The following NALF1 variants were observed in gnomAD, a reference collection of about 807,000 sequenced individuals.
NALF1 encodes the protein NALCN channel auxiliary factor 1.
A neutral mutation model predicts 48.4 loss-of-function variants in NALF1; 3 were observed. The ratio of observed to expected loss-of-function variants is 0.06; its 90% CI spans 0.03 to 0.16. The LOEUF is 0.16. Among genes scored for constraint, NALF1 ranks in the 10% least tolerant of loss-of-function variants. NALF1 has a pLI of 1.00. For synonymous variants in NALF1, 262 were observed against 245.7 expected (o/e 1.07, Z -0.62); for missense variants, 526 against 571.5 (o/e 0.92, Z 0.81).
In NALF1 at chr13:107,866,748, CCT is replaced by C. The variant is rs1367942939; in HGVS notation, c.-154_-153del. ...CTCTCTTTCTCTCTCTTCCCCTCTC[CCT>C]CTCTCCTCTCTCTCTCTCTCCCTCT... On this transcript the variant is annotated 5_prime_UTR_variant, in exon 1 of 3. Transcript: ENST00000375915. This position sits in a 1 kb window ranked among gnomAD's most constrained non-coding sequence, Gnocchi z 4.4. 6.5e-6 allele frequency: 4 copies of C among 617,534 alleles called. No homozygotes were observed. The highest frequency in any genetic ancestry group is 8.7e-4 in the Middle Eastern group (2 of 2,308). The allele number at this position is 617,534 out of a possible 1,614,324, so 38.3% of individuals were successfully genotyped here. A position where few individuals can be genotyped will look rare whatever the true frequency, so the allele number is the denominator to read the frequency against.
At chr13:107,808,888 G>A (rs1878898147) in intron 1 of NALF1, among the ~76,000 whole-genome samples, 1 of 151,998 alleles carries the variant, frequency 6.6e-6, no homozygotes, top group African/African-American at 2.4e-5. Context: ...GTCCTATACA[G>A]AAACCACTGT....
At chr13:107,844,688 C>A (rs1211894260) in intron 1 of NALF1, among the ~76,000 whole-genome samples, 1 of 152,116 alleles carries the variant, frequency 6.6e-6, no homozygotes, top group Admixed American at 6.6e-5. Flanking sequence ...GGAATGAATA[C>A]ATTTTCAAAT....
chr13:107,613,498 T>A (rs989613876), intron 1 of NALF1, among the ~76,000 whole-genome samples: 1 of 152,232 alleles, frequency 6.6e-6, no homozygotes, highest in Non-Finnish European at 1.5e-5. Flanking sequence ...CAATTTACTA[T>A]CAAAATGGAG....
At chr13:107,225,865 T>C (rs1880092534) in intron 1 of NALF1, among the ~76,000 whole-genome samples, 1 of 152,076 alleles carries the variant, frequency 6.6e-6, no homozygotes. Flanking sequence ...GCACTTTCCA[T>C]ACATTAGGTC....
chr13:107,722,745 G>A (rs1335007783), intron 1 of NALF1, among the ~76,000 whole-genome samples: 2 of 152,170 alleles, frequency 1.3e-5, no homozygotes, highest in Non-Finnish European at 2.9e-5. Context: ...CTGTAAAATG[G>A]AAGTAATCAA....
At chr13:107,688,969 A>G (rs1881505205) in intron 1 of NALF1, among the ~76,000 whole-genome samples, 1 of 152,210 alleles carries the variant, frequency 6.6e-6, no homozygotes, top group Non-Finnish European at 1.5e-5. Flanking sequence ...AGGAGGGCAC[A>G]TTTTAAATGG....
intron 1 of NALF1, among the ~76,000 whole-genome samples, chr13:107,731,900 T>C (rs1876320471): frequency 6.6e-6 from 1 of 152,182 alleles, no homozygotes; most frequent in African/African-American, 2.4e-5. Context: ...AAACTCTTTC[T>C]CTGCTGCTTC....
chr13:107,259,590 A>G (rs1346125836), intron 1 of NALF1, among the ~76,000 whole-genome samples: 1 of 152,228 alleles, frequency 6.6e-6, no homozygotes, highest in Non-Finnish European at 1.5e-5. Flanking sequence ...AGAAAAGGGA[A>G]TGAACAAATC....
rs560247794 is a variant in NALF1 at position 107,420,847 on chromosome 13, G to A, written c.916-210092C>T. Reference sequence around the variant, plus strand: ...ATCCATTAATTAATTTCTCACTTTCGTTTTTGTGTGCCTTCTTTGTCATTA... The same window carrying A: ...ATCCATTAATTAATTTCTCACTTTCATTTTTGTGTGCCTTCTTTGTCATTA... On this transcript the variant is annotated intron_variant, in intron 1 of 2. Transcript: ENST00000375915. Among the ~76,000 whole-genome samples, 7 of 152,114 alleles carry A rather than the reference G, an allele frequency of 4.6e-5. No individual in the cohort carries two copies. The East Asian group carries it at 9.7e-4, about 21-fold the overall frequency.
chr13:107,860,212 C>G (rs989885772), intron 1 of NALF1, among the ~76,000 whole-genome samples: 18 of 152,164 alleles, frequency 1.2e-4, no homozygotes, highest in African/African-American at 2.9e-4. Flanking sequence ...AACTCTGAGA[C>G]CCAGTTAGTT....
rs9587323 is a variant in NALF1, at chr13:107,214,822, T to A, written c.916-4067A>T. Among the ~76,000 whole-genome samples, 393 of 152,320 alleles carry A rather than the reference T, an allele frequency of 2.6e-3. 4 individuals are homozygous for A. The highest frequency in any genetic ancestry group is 9.2e-3 in the African/African-American group (381 of 41,566). On this transcript the variant is annotated intron_variant, in intron 1 of 2. Coordinates refer to ENST00000375915, the MANE Select transcript of NALF1 (RefSeq NM_001080396.3). ...TTAATACTTGAATCGATTTTTCTCT[T>A]TTTCCCCTGAAGCATTTTCTCTCTT...
chr13:107,776,948 C>T (rs1877750805), intron 1 of NALF1, among the ~76,000 whole-genome samples: 1 of 151,992 alleles, frequency 6.6e-6, no homozygotes. Flanking sequence ...AAAACTTAGC[C>T]AGGCATGGTG....
intron 1 of NALF1, among the ~76,000 whole-genome samples, chr13:107,317,454 A>G (rs1882172419): frequency 6.6e-6 from 1 of 152,074 alleles, no homozygotes; most frequent in Non-Finnish European, 1.5e-5. Flanking sequence ...GGAGGTTTAA[A>G]CAAATTAGAG....
intron 1 of NALF1, among the ~76,000 whole-genome samples, chr13:107,309,198 C>T (rs1473824139): frequency 6.6e-6 from 1 of 152,122 alleles, no homozygotes; most frequent in Non-Finnish European, 1.5e-5. Context: ...GATGAATAAA[C>T]AATTCAACAA....
At chr13:107,425,388 G>C (rs1301052972) in intron 1 of NALF1, among the ~76,000 whole-genome samples, 1 of 152,096 alleles carries the variant, frequency 6.6e-6, no homozygotes, top group Non-Finnish European at 1.5e-5. Flanking sequence ...ATAAGTGTAT[G>C]AAAGAAGGAA....
chr13:107,381,870 T>C (rs989067601), intron 1 of NALF1, among the ~76,000 whole-genome samples: 6 of 152,142 alleles, frequency 3.9e-5, no homozygotes, highest in African/African-American at 1.4e-4. Flanking sequence ...TTGCCTCTCT[T>C]TAAGATGCAT....
chr13:107,650,213 G>A (rs7334026), intron 1 of NALF1, among the ~76,000 whole-genome samples: 4,654 of 151,936 alleles, frequency 0.031, 210 homozygotes, highest in East Asian at 0.21. Flanking sequence ...CCCCCAAGTC[G>A]ATAGTGCCTG....
chr13:107,332,511 T>G (rs1022859500), intron 1 of NALF1, among the ~76,000 whole-genome samples: 1 of 152,218 alleles, frequency 6.6e-6, no homozygotes, highest in Non-Finnish European at 1.5e-5. Context: ...ACAGACCCAG[T>G]CTCTACGCAT....
intron 1 of NALF1, among the ~76,000 whole-genome samples, chr13:107,616,949 T>C (rs1362312062): frequency 1.3e-5 from 2 of 152,080 alleles, no homozygotes; most frequent in East Asian, 1.9e-4. Context: ...ATAGAGCAAA[T>C]TTTTCCATAT....
Sources: gnomAD v4.1 joint callset for allele counts (sites outside exome capture counted in the v4.1 genomes callset) on GRCh38, gnomAD v4.1.1 for gene constraint, Gnocchi (gnomAD v3.1) non-coding constraint, MANE v1.5 for transcripts, NCBI Gene and HGNC (gene_info 2026-07-23, HGNC 2026-07-21) for gene names.